Variants in ST3GAL1 observed in about 807,000 individuals in gnomAD.
ST3GAL1 encodes ST3 beta-galactoside alpha-2,3-sialyltransferase 1.
Under a neutral mutation model 34.1 loss-of-function variants are expected in ST3GAL1, and 16 were observed. The ratio of observed to expected loss-of-function variants is 0.47; its 90% confidence interval spans 0.32 to 0.71. The LOEUF is 0.71. Among genes scored for constraint, ST3GAL1 ranks in the 30% least tolerant of loss-of-function variants. ST3GAL1 has a pLI of 0.04. For synonymous variants in ST3GAL1, 191 were observed against 184.7 expected (o/e 1.03, Z -0.28); for missense variants, 353 against 447.4 (o/e 0.79, Z 1.90).
At chr8:133,551,249 C>A (rs1818825448) in intron 1 of ST3GAL1, among the ~76,000 whole-genome samples, 1 of 152,080 alleles carries the variant, frequency 6.6e-6, no homozygotes, top group Non-Finnish European at 1.5e-5. Context: ...GCAGGTGGAT[C>A]ACGAGGTCAA....
intron 2 of ST3GAL1, among the ~76,000 whole-genome samples, chr8:133,528,022 A>T (rs1487470238): frequency 1.3e-5 from 2 of 151,990 alleles, no homozygotes; most frequent in Non-Finnish European, 2.9e-5. Context: ...AAAAAAAAAA[A>T]AAATTAGCTG....
chr8:133,563,538 T>C (rs557032505), intron 1 of ST3GAL1, among the ~76,000 whole-genome samples: 13 of 152,228 alleles, frequency 8.5e-5, no homozygotes, highest in African/African-American at 2.6e-4. Flanking sequence ...TGAGGCGGGA[T>C]AGGTAGTCAA....
rs188294743 is a variant in ST3GAL1 at position 133,456,142 on chromosome 8, C to G, written c.*3622G>C. 5.9e-5 allele frequency: 9 copies of G among 152,288 alleles called. No homozygotes were observed. Among genetic ancestry groups the G allele is most frequent in the African/African-American group, 2.2e-4 (9 of 41,560 alleles). The allele number at this position is 152,288 out of a possible 1,614,324, so 9.4% of individuals were successfully genotyped here. ...GCTGGAGTTTTAAAAGGCATTCATC[C>G]ATTTATGAACTTTCTTCCAGCCCAG... On this transcript the variant is annotated 3_prime_UTR_variant, in exon 10 of 10. Coordinates refer to ENST00000522652, the MANE Select transcript of ST3GAL1 (RefSeq NM_173344.3).
At chr8:133,530,351 G>A (rs1040254246) in intron 2 of ST3GAL1, among the ~76,000 whole-genome samples, 2 of 150,644 alleles carry the variant, frequency 1.3e-5, no homozygotes, top group East Asian at 1.9e-4. Context: ...ACACCATCTC[G>A]GCTCACTGCA....
chr8:133,472,175 TAACTC>T (rs146285211), intron 5 of ST3GAL1, among the ~76,000 whole-genome samples: 4 of 151,846 alleles, frequency 2.6e-5, no homozygotes, highest in African/African-American at 2.4e-5. Context: ...CAACTCAATT[TAACTC>T]AACTCAACTC....
In ST3GAL1 at chr8:133,466,637, C is replaced by T. The variant is rs974841971; in HGVS notation, c.307-547G>A. Among the ~76,000 whole-genome samples the T allele has an allele frequency of 1.3e-5, 2 of 152,214 alleles. 1 individual carries two copies. The highest frequency in any genetic ancestry group is 1.3e-4 in the Admixed American group (2 of 15,284). On this transcript the variant is annotated intron_variant, in intron 5 of 9. Coordinates refer to ENST00000522652, the MANE Select transcript of ST3GAL1 (RefSeq NM_173344.3). This position sits in a 1 kb window ranked among gnomAD's most constrained non-coding sequence, Gnocchi z 4.4. Reference sequence around the variant, plus strand: ...GGTGGAAATGCCAGTTCTCCAGCCCCGGCCAGGGATGGGGGACAGAGCAGT... The same window carrying T: ...GGTGGAAATGCCAGTTCTCCAGCCCTGGCCAGGGATGGGGGACAGAGCAGT...
chr8:133,500,656 C>A (rs1586621822), intron 2 of ST3GAL1, among the ~76,000 whole-genome samples: 1 of 152,220 alleles, frequency 6.6e-6, no homozygotes, highest in African/African-American at 2.4e-5. Flanking sequence ...TCAGTTTCCT[C>A]ATCTGTAAAG....
chr8:133,530,432 C>T (rs971553556), intron 2 of ST3GAL1, among the ~76,000 whole-genome samples: 2 of 152,122 alleles, frequency 1.3e-5, no homozygotes, highest in African/African-American at 2.4e-5. Flanking sequence ...AAGGCATGTG[C>T]CACCACGCTG....
intron 3 of ST3GAL1, among the ~76,000 whole-genome samples, chr8:133,484,161 G>A (rs1816494004): frequency 6.6e-6 from 1 of 152,102 alleles, no homozygotes; most frequent in African/African-American, 2.4e-5. Flanking sequence ...TATGGGTATT[G>A]GGGGTCAGCC....
intron 3 of ST3GAL1, among the ~76,000 whole-genome samples, chr8:133,493,267 T>C (rs1816837588): frequency 6.6e-6 from 1 of 152,216 alleles, no homozygotes. Flanking sequence ...CCTCCCACAA[T>C]GCAGTGATAA....
chr8:133,495,693 C>A, intron 3 of ST3GAL1, among the ~76,000 whole-genome samples: 1 of 152,200 alleles, frequency 6.6e-6, no homozygotes, highest in East Asian at 1.9e-4. Context: ...TGCTTGCTGT[C>A]TGCCACAAGA....
chr8:133,518,743 C>T (rs1817716345), intron 2 of ST3GAL1, among the ~76,000 whole-genome samples: 1 of 152,194 alleles, frequency 6.6e-6, no homozygotes, highest in Non-Finnish European at 1.5e-5. Flanking sequence ...GTACTATGCG[C>T]CAAACACTTT....
chr8:133,459,817 C>A lies in ST3GAL1; in HGVS notation c.970G>T (p.Val324Leu). Residue 324 changes from valine (V) to leucine (L), a missense_variant, in exon 10 of 10, where the codon GTG (valine) becomes TTG (leucine). Val to Leu is a conservative substitution (Grantham distance 32, BLOSUM62 1). Coordinates refer to ENST00000522652, the MANE Select transcript of ST3GAL1 (RefSeq NM_173344.3). This position sits in a 1 kb window ranked among gnomAD's most constrained non-coding sequence, Gnocchi z 4.7. ...GVHDADFESN[V>L]TATLASINKI... ...TTGATGGAGGCCAAGGTGGCCGTCA[C>A]GTTAGACTCAAAGTCTGCATCGTGC... is the stretch of plus-strand genomic sequence containing the variant. 1 of 1,613,996 alleles carries A rather than the reference C, an allele frequency of 6.2e-7. No individual in the cohort carries two copies. Among genetic ancestry groups the A allele is most frequent in the Non-Finnish European group, 8.5e-7 (1 of 1,179,916 alleles).
At chr8:133,512,672 G>A (rs1817529152) in intron 2 of ST3GAL1, among the ~76,000 whole-genome samples, 2 of 152,282 alleles carry the variant, frequency 1.3e-5, no homozygotes, top group Non-Finnish European at 2.9e-5. Context: ...CCAGGCCCGA[G>A]CCTGTTTCTC....
At chr8:133,521,699 A>G (rs935226064) in intron 2 of ST3GAL1, among the ~76,000 whole-genome samples, 1 of 152,256 alleles carries the variant, frequency 6.6e-6, no homozygotes, top group African/African-American at 2.4e-5. Context: ...TATCTGTTAC[A>G]GGACAGAAGT....
chr8:133,554,914 A>T lies in ST3GAL1; in HGVS notation c.-581-8988T>A, dbSNP rs12547921. On this transcript the variant is annotated intron_variant, in intron 1 of 9. Coordinates refer to ENST00000522652, the MANE Select transcript of ST3GAL1 (RefSeq NM_173344.3). ...GCTAATATTTTTGTATTTTTAGTAG[A>T]GGTGGGGTTTCACCATGTTGGCCAG... Among the ~76,000 whole-genome samples the T allele has an allele frequency of 1.4e-3, 210 of 151,950 alleles. 4 individuals carry two copies. The highest frequency in any genetic ancestry group is 0.011 in the Admixed American group (173 of 15,272).
intron 2 of ST3GAL1, among the ~76,000 whole-genome samples, chr8:133,506,812 G>T (rs941365589): frequency 1.3e-5 from 2 of 151,792 alleles, no homozygotes; most frequent in Non-Finnish European, 2.9e-5. Context: ...AAGCTGGGCT[G>T]GGTGTGGTGG....
chr8:133,537,372 G>A (rs895788055), intron 2 of ST3GAL1, among the ~76,000 whole-genome samples: 6 of 152,088 alleles, frequency 3.9e-5, no homozygotes, highest in African/African-American at 1.4e-4. Flanking sequence ...CCCTCTCTGG[G>A]GAGGATCTCA....
At chr8:133,558,399 G>A (rs1819120032) in intron 1 of ST3GAL1, among the ~76,000 whole-genome samples, 1 of 152,204 alleles carries the variant, frequency 6.6e-6, no homozygotes, top group African/African-American at 2.4e-5. Flanking sequence ...TCAGCAACTT[G>A]CTGAAGGACA....
Sources: allele counts gnomAD v4.1 joint callset (sites outside exome capture counted in the v4.1 genomes callset), GRCh38; gene constraint gnomAD v4.1.1; non-coding constraint Gnocchi (gnomAD v3.1); transcripts MANE v1.5; gene names NCBI Gene and HGNC (gene_info 2026-07-23, HGNC 2026-07-21).